Variants in RIMKLA observed in about 807,000 individuals in gnomAD.
RIMKLA encodes N-acetylaspartylglutamate synthase A.
Under a neutral mutation model 32.7 loss-of-function variants are expected in RIMKLA, and 14 were observed. The observed-to-expected ratio is 0.43, with a 90% CI of 0.28 to 0.67. The LOEUF (loss-of-function observed/expected upper bound fraction) is 0.67, where lower values mean the gene tolerates loss of function less well. RIMKLA is among the 30% of genes least tolerant of loss of function. The pLI, the probability that RIMKLA is intolerant of heterozygous loss-of-function variation, is 0.18. For missense variants in RIMKLA, 410 were observed against 519.0 expected, an observed-to-expected ratio of 0.79 and a Z score of 2.04; for synonymous variants, 176 against 204.1, an observed-to-expected ratio of 0.86 and a Z score of 1.18.
At position 42,414,465 on chromosome 1, in the gene RIMKLA, C is replaced by G. The variant is rs1226692827; in HGVS notation, c.686-19C>G. 7.4e-6 allele frequency: 12 copies of G among 1,611,610 alleles called. No homozygotes were observed. The highest frequency in any genetic ancestry group is 4.0e-5 in the African/African-American group (3 of 74,878). On this transcript the variant is annotated intron_variant, in intron 4 of 4. Coordinates refer to ENST00000431473, the MANE Select transcript of RIMKLA (RefSeq NM_173642.4). ...GACTTCTCAGTTGTCACCTTTACAT[C>G]ACTGTGCTTTCCCCACAGGTGGCGT...
intron 1 of RIMKLA, 109 bp from the exon 2 acceptor site, chr1:42,399,295 T>A: frequency 1.3e-6 from 1 of 799,518 alleles, no homozygotes; most frequent in Non-Finnish European, 2.0e-6. Flanking sequence ...GGGCCAATTT[T>A]GAGGCTCTGT....
At chr1:42,384,564 CATAT>C (rs1185835221) in intron 1 of RIMKLA, among the ~76,000 whole-genome samples, 1 of 142,072 alleles carries the variant, frequency 7.0e-6, no homozygotes, top group African/African-American at 2.6e-5. Flanking sequence ...TGTATATATA[CATAT>C]ATATGTGTAT....
rs1366900646 is a variant in RIMKLA at position 42,414,924 on chromosome 1, C to T, written c.1126C>T (p.Pro376Ser). 5 of 1,613,930 alleles carry T rather than the reference C, an allele frequency of 3.1e-6. No individual in the cohort carries two copies. The highest frequency in any genetic ancestry group is 4.2e-6 in the Non-Finnish European group (5 of 1,179,928). ...GGCCCCACCCTCCATGCTGCCCGAA[C>T]CTGGCTACAACATTAACAACAGGAT... ...MGAPPSMLPEPGYNINNRIAS... is the reference protein window; with the variant it reads ...MGAPPSMLPESGYNINNRIAS... The change falls in exon 5 of 5, where the codon CCT (proline) becomes TCT (serine). Residue 376 changes from proline to serine, a missense_variant. Transcript: ENST00000431473.
intron 3 of RIMKLA, among the ~76,000 whole-genome samples, chr1:42,409,571 C>T (rs1365167222): frequency 6.6e-6 from 1 of 152,228 alleles, no homozygotes; most frequent in Non-Finnish European, 1.5e-5. Context: ...CTGCCCTGTG[C>T]ATCCAGCCCA....
chr1:42,411,199 A>G (rs1643194330), intron 4 of RIMKLA, among the ~76,000 whole-genome samples: 1 of 152,066 alleles, frequency 6.6e-6, no homozygotes, highest in Non-Finnish European at 1.5e-5. Flanking sequence ...CAAGTGCAGT[A>G]GCACATGCCT....
rs1184237388 is a variant in RIMKLA, at chr1:42,385,844, C to CTCTCTCTCTCTCTCTCTCTTTCTT, written c.163+4750_163+4751insCTCTCTCTCTCTCTCTTTCTTTCT. On this transcript the variant is annotated intron_variant, in intron 1 of 4. Coordinates refer to ENST00000431473, the MANE Select transcript of RIMKLA (RefSeq NM_173642.4). ...CCTTCCTTCCTTTCTTTCTTTCTTT[C>CTCTCTCTCTCTCTCTCTCTTTCTT]TCTTTCTTTCTTTCTTTCTTTCTTT... Among the ~76,000 whole-genome samples, 39 of 56,994 alleles carry CTCTCTCTCTCTCTCTCTCTTTCTT rather than the reference C, an allele frequency of 6.8e-4. 2 individuals carry two copies. The highest frequency in any genetic ancestry group is 2.5e-3 in the African/African-American group (38 of 15,068). The allele number at this position is 56,994 out of a possible 152,430, so 37.4% of individuals were successfully genotyped here. A position where few individuals can be genotyped will look rare whatever the true frequency, so the allele number is the denominator to read the frequency against.
intron 2 of RIMKLA, among the ~76,000 whole-genome samples, chr1:42,400,077 CG>C (rs1643083676): frequency 6.6e-6 from 1 of 152,112 alleles, no homozygotes. Context: ...CATAGAGTTA[CG>C]CTGAAGTTAT....
chr1:42,395,812 T>G (rs1643038651), intron 1 of RIMKLA, among the ~76,000 whole-genome samples: 1 of 152,222 alleles, frequency 6.6e-6, no homozygotes, highest in Non-Finnish European at 1.5e-5. Context: ...AAATTGTCCT[T>G]GGCCATGGCT....
In RIMKLA at chr1:42,422,898, G is replaced by A. The variant is rs1016580249; in HGVS notation, c.*7924G>A. The stretch of plus-strand genomic sequence containing the variant: ...AGCGTGCTCTCCCGGGCTGACATTC[G>A]AATTAAGATTCAAATAGCAAGTGAG... On this transcript the variant is annotated 3_prime_UTR_variant, in exon 5 of 5. Coordinates refer to ENST00000431473, the MANE Select transcript of RIMKLA (RefSeq NM_173642.4). Among the ~76,000 whole-genome samples the A allele has an allele frequency of 6.6e-6, 1 of 152,134 alleles. No homozygotes were observed. The highest frequency in any genetic ancestry group is 2.4e-5 in the African/African-American group (1 of 41,422).
chr1:42,388,578 G>A (rs1642970981), intron 1 of RIMKLA, among the ~76,000 whole-genome samples: 1 of 147,526 alleles, frequency 6.8e-6, no homozygotes, highest in South Asian at 2.1e-4. Context: ...GGAGTGCAGT[G>A]GCACGATCTC....
Position 42,381,108 on chromosome 1 carries a change from C to G in RIMKLA, c.163+11C>G. 5 of 1,245,698 alleles carry G rather than the reference C, an allele frequency of 4.0e-6. No homozygotes were observed. Among genetic ancestry groups the G allele is most frequent in the Non-Finnish European group, 5.0e-6 (5 of 992,352 alleles). 77.2% of individuals were successfully genotyped at this position (1,245,698 alleles called of 1,614,324 possible). A position where few individuals can be genotyped will look rare whatever the true frequency, so the allele number is the denominator to read the frequency against. On this transcript the variant is annotated intron_variant, in intron 1 of 4. Coordinates refer to ENST00000431473, the MANE Select transcript of RIMKLA (RefSeq NM_173642.4). ...TCGGCGGCCACCTCGGTGAGCGAGG[C>G]GGGCCCGGGGAGGGCAGGGAGGCGC...
chr1:42,415,256 C>T lies in RIMKLA; in HGVS notation c.*282C>T, dbSNP rs1268645246. On this transcript the variant is annotated 3_prime_UTR_variant, in exon 5 of 5. Coordinates refer to ENST00000431473, the MANE Select transcript of RIMKLA (RefSeq NM_173642.4). ...TACGGCTGACGCTAAGGCACTGACT[C>T]TGCTGTTGCTTCTGACTTTTAGCAG... 2 of 330,106 alleles carry T rather than the reference C, an allele frequency of 6.1e-6. No individual in the cohort carries two copies. The highest frequency in any genetic ancestry group is 5.6e-5 in the South Asian group (1 of 17,762). The allele number at this position is 330,106 out of a possible 1,614,324, so 20.4% of individuals were successfully genotyped here. A position where few individuals can be genotyped will look rare whatever the true frequency, so the allele number is the denominator to read the frequency against.
rs1011382401 is a variant in RIMKLA at position 42,423,851 on chromosome 1, C to T, written c.*8877C>T. Among the ~76,000 whole-genome samples, 3 of 152,164 alleles carry T rather than the reference C, an allele frequency of 2.0e-5. No individual in the cohort carries two copies. Among genetic ancestry groups the T allele is most frequent in the African/African-American group, 4.8e-5 (2 of 41,424 alleles). ...GTGAGAGGCTTCTCTCAAAAATGAT[C>T]GCTCTTCCACTAACCTTAGGTCTAC... On this transcript the variant is annotated 3_prime_UTR_variant, in exon 5 of 5. Coordinates refer to ENST00000431473, the MANE Select transcript of RIMKLA (RefSeq NM_173642.4).
intron 1 of RIMKLA, among the ~76,000 whole-genome samples, chr1:42,388,785 G>A (rs1642973040): frequency 6.6e-6 from 1 of 152,148 alleles, no homozygotes. Flanking sequence ...CAAAGTGCTG[G>A]GATTACAGGC....
chr1:42,389,093 C>G (rs1366399029), intron 1 of RIMKLA, among the ~76,000 whole-genome samples: 1 of 152,110 alleles, frequency 6.6e-6, no homozygotes, highest in Non-Finnish European at 1.5e-5. Flanking sequence ...AAAGACTAGT[C>G]AAGGAGGACT....
At chr1:42,382,266 A>G (rs1399561542) in intron 1 of RIMKLA, among the ~76,000 whole-genome samples, 2 of 152,250 alleles carry the variant, frequency 1.3e-5, no homozygotes, top group Non-Finnish European at 2.9e-5. Flanking sequence ...AACAATGACT[A>G]TCAGATGCAA....
intron 4 of RIMKLA, 54 bp downstream of exon 4, chr1:42,410,241 T>C (rs1570329391): frequency 1.4e-6 from 2 of 1,445,366 alleles, no homozygotes; most frequent in South Asian, 1.2e-5. Context: ...ATTCAGCAAA[T>C]GTATATCGAT....
chr1:42,406,450 T>A (rs1643148108), intron 3 of RIMKLA, among the ~76,000 whole-genome samples: 2 of 152,226 alleles, frequency 1.3e-5, no homozygotes, highest in African/African-American at 4.8e-5. Context: ...ATTTGCCTGT[T>A]TTGGCTATTT....
At position 42,419,044 on chromosome 1, in the gene RIMKLA, T is replaced by G. The variant is rs1407409462; in HGVS notation, c.*4070T>G. 1.3e-5 allele frequency: 2 copies of G among 152,220 alleles called. No individual in the cohort carries two copies. Among genetic ancestry groups the G allele is most frequent in the Non-Finnish European group, 1.5e-5 (1 of 68,048 alleles). The allele number at this position is 152,220 out of a possible 1,614,324, so 9.4% of individuals were successfully genotyped here. ...TGAATGTTCATAGATCTGGGACTGT[T>G]TTTGACTGTACCTCTGAGACTCAAG... On this transcript the variant is annotated 3_prime_UTR_variant, in exon 5 of 5. Transcript: ENST00000431473.
Sources: allele counts gnomAD v4.1 joint callset (sites outside exome capture counted in the v4.1 genomes callset), GRCh38; gene constraint gnomAD v4.1.1; transcripts MANE v1.5; gene names NCBI Gene and HGNC (gene_info 2026-07-23, HGNC 2026-07-21).